CLSTN3: variants seen among roughly 807,000 people sequenced by gnomAD.
CLSTN3 encodes calsyntenin 3, also known as calsyntenin-3.
CLSTN3 carries 36 observed loss-of-function variants against 95.9 expected under a neutral mutation model. The observed-to-expected ratio is 0.38, with a 90% CI of 0.29 to 0.50. The LOEUF is 0.50. Ranked by LOEUF, CLSTN3 falls within the 20% of genes least tolerant of loss-of-function variation. CLSTN3 has a pLI of 0.95. For synonymous variants in CLSTN3, 481 were observed against 504.0 expected, an observed-to-expected ratio of 0.95 and a Z score of 0.61; for missense variants, 1,084 against 1,268.8, an observed-to-expected ratio of 0.85 and a Z score of 2.21.
At chr12:7,131,855 A>T in intron 1 of CLSTN3, 1 of 456,440 alleles carries the variant, frequency 2.2e-6, no homozygotes. Flanking sequence ...AAGCCTTCCC[A>T]TGCCAAAGGC....
rs1472744183 is a variant in CLSTN3, at chr12:7,130,432, G to C, written c.-217G>C. The C allele has an allele frequency of 6.2e-6, 9 of 1,452,272 alleles. No individual in the cohort carries two copies. Among genetic ancestry groups the C allele is most frequent in the African/African-American group, 1.4e-5 (1 of 70,698 alleles). 90.0% of individuals were successfully genotyped at this position (1,452,272 alleles called of 1,614,324 possible). On this transcript the variant is annotated 5_prime_UTR_variant, in exon 1 of 18. Transcript: ENST00000266546. ...GTGAGGACGCTGGGCTGGGGGAAAC[G>C]GGAAGCCGCTGCAAGTCCACCGCCT...
In CLSTN3 at chr12:7,149,252, G is replaced by T; in HGVS notation, c.2074+54G>T. On this transcript the variant is annotated intron_variant, in intron 13 of 17. Coordinates refer to ENST00000266546, the MANE Select transcript of CLSTN3 (RefSeq NM_014718.4). The surrounding 1 kb of genome is among the most constrained non-coding windows in gnomAD (Gnocchi z 4.5). ...TCCAGAGAACCAGCCAGTGTCTGGA[G>T]TCAGAGTGTGGGAGAACTCCTGGGG... 1 of 1,465,026 alleles carries T rather than the reference G, an allele frequency of 6.8e-7. No individual in the cohort carries two copies. Among genetic ancestry groups the T allele is most frequent in the Non-Finnish European group, 9.5e-7 (1 of 1,055,578 alleles). The allele number at this position is 1,465,026 out of a possible 1,614,324, so 90.8% of individuals were successfully genotyped here.
intron 16 of CLSTN3, chr12:7,151,282 G>A: frequency 2.0e-6 from 1 of 492,028 alleles, no homozygotes; most frequent in East Asian, 3.5e-5. Flanking sequence ...TTGTGTCATT[G>A]TAGGGATGCT....
chr12:7,149,312 T>C lies in CLSTN3; in HGVS notation c.2074+114T>C. 3 of 1,027,588 alleles carry C rather than the reference T, an allele frequency of 2.9e-6. No individual in the cohort carries two copies. The highest frequency in any genetic ancestry group is 4.4e-6 in the Non-Finnish European group (3 of 689,514). 63.7% of individuals were successfully genotyped at this position (1,027,588 alleles called of 1,614,324 possible). The stretch of plus-strand genomic sequence containing the variant: ...GAAAGCGACTCCATCCTGTGTTTGT[T>C]TGACTGAACAACTTACCTTTAAGAA... On this transcript the variant is annotated intron_variant, in intron 13 of 17. Transcript: ENST00000266546. This position sits in a 1 kb window ranked among gnomAD's most constrained non-coding sequence, Gnocchi z 4.5.
Position 7,135,441 on chromosome 12 carries a change from G to A in CLSTN3, c.498G>A (p.Val166=), listed in dbSNP as rs1939390612. The A allele has an allele frequency of 6.2e-7, 1 of 1,614,138 alleles. No homozygotes were observed. Among genetic ancestry groups the A allele is most frequent in the East Asian group, 2.2e-5 (1 of 44,882 alleles). The change falls in exon 4 of 18, where the codon GTG becomes GTA. Residue 166 remains valine, a synonymous_variant. Coordinates refer to ENST00000266546, the MANE Select transcript of CLSTN3 (RefSeq NM_014718.4). ...EGKLYDRILR[V]EAIDGDCSPQ... ...AGCTGTACGATCGCATCCTGCGGGT[G>A]GAAGCCATTGACGGTGACTGCTCCC... is the stretch of plus-strand genomic sequence containing the variant.
chr12:7,149,555 C>G lies in CLSTN3; in HGVS notation c.2107C>G (p.His703Asp). 1.2e-6 allele frequency: 2 copies of G among 1,614,006 alleles called. No individual in the cohort carries two copies. The highest frequency in any genetic ancestry group is 2.2e-5 in the South Asian group (2 of 91,052). Residue 703 changes from histidine (H) to aspartate (D), a missense_variant, in exon 14 of 18, where the codon CAC becomes GAC. His to Asp is a moderately conservative substitution (Grantham distance 81). Transcript: ENST00000266546. This position sits in a 1 kb window ranked among gnomAD's most constrained non-coding sequence, Gnocchi z 4.5. ...TDTRMSDEIV[H>D]NLDGCEISLV... Reference sequence around the variant, plus strand: ...CACACGCATGTCGGATGAGATTGTGCACAACCTGGATGGCTGTGAAATTTC... The same window carrying G: ...CACACGCATGTCGGATGAGATTGTGGACAACCTGGATGGCTGTGAAATTTC...
intron 8 of CLSTN3, among the ~76,000 whole-genome samples, chr12:7,139,640 T>C (rs147667714): frequency 0.017 from 1,565 of 91,894 alleles, 24 homozygotes; most frequent in African/African-American, 0.049. Flanking sequence ...TCATCATTAT[T>C]ATTATTATTA....
chr12:7,132,459 T>C (rs1939324291), intron 1 of CLSTN3: 1 of 206,300 alleles, frequency 4.8e-6, no homozygotes, highest in Non-Finnish European at 9.9e-6. Context: ...ACTTCTCTCC[T>C]TTCTCCCCAT....
rs958294405 is a variant in CLSTN3 at position 7,150,411 on chromosome 12, C to G, written c.2246-133C>G. The G allele has an allele frequency of 3.3e-5, 34 of 1,019,890 alleles. No individual in the cohort carries two copies. The South Asian group carries it at 4.6e-4, about 14-fold the overall frequency. 63.2% of individuals were successfully genotyped at this position (1,019,890 alleles called of 1,614,324 possible). A position where few individuals can be genotyped will look rare whatever the true frequency, so the allele number is the denominator to read the frequency against. On this transcript the variant is annotated intron_variant, in intron 14 of 17. Transcript: ENST00000266546. The surrounding 1 kb of genome is among the most constrained non-coding windows in gnomAD (Gnocchi z 4.0). The stretch of plus-strand genomic sequence containing the variant: ...AGCATCCCTCCCTTCGACCTCAGGT[C>G]GCACTTCTGCGGAGATGGGGCTGAC...
rs1939387590 is a variant in CLSTN3, at chr12:7,135,368, C to T, written c.425C>T (p.Ala142Val). Residue 142 changes from alanine to valine, a missense_variant, in exon 4 of 18, where the codon GCC becomes GTC. Transcript: ENST00000266546. ...CGGGTCAACGATGTGAACGAGTTTG[C>T]CCCAGTGTTTGTGGAACGGCTGTAT... ...HVRVNDVNEF[A>V]PVFVERLYRA... 4 of 1,613,982 alleles carry T rather than the reference C, an allele frequency of 2.5e-6. No individual in the cohort carries two copies. The highest frequency in any genetic ancestry group is 1.7e-5 in the Admixed American group (1 of 59,992).
intron 16 of CLSTN3, chr12:7,156,082 C>A: frequency 2.8e-6 from 1 of 358,638 alleles, no homozygotes; most frequent in Non-Finnish European, 5.5e-6. Flanking sequence ...TTTCTAGGGG[C>A]TTGCTTGTGT....
Position 7,137,822 on chromosome 12 carries a change from G to GAGAT in CLSTN3, c.1211-133_1211-132insAGAT. 1 of 569,216 alleles carries GAGAT rather than the reference G, an allele frequency of 1.8e-6. No individual in the cohort carries two copies. 35.3% of individuals were successfully genotyped at this position (569,216 alleles called of 1,614,324 possible). ...AGAGAGAGAGAGAGAGAGAGAGAGA[G>GAGAT]GAAAGAAAAATGCTAGAGAACGAGG... On this transcript the variant is annotated intron_variant, in intron 7 of 17. Transcript: ENST00000266546. The surrounding 1 kb of genome is among the most constrained non-coding windows in gnomAD (Gnocchi z 4.4).
At chr12:7,151,160 G>T in intron 16 of CLSTN3, 97 bp downstream of exon 16, 1 of 1,374,854 alleles carries the variant, frequency 7.3e-7, no homozygotes, top group Non-Finnish European at 9.6e-7. Context: ...AGAGGACAAG[G>T]TAGGTGGAGC....
upstream of CLSTN3, chr12:7,129,110 G>C (rs1939231003): frequency 3.3e-6 from 1 of 304,800 alleles, no homozygotes; most frequent in Non-Finnish European, 6.5e-6. This position sits in a 1 kb window ranked among gnomAD's most constrained non-coding sequence, Gnocchi z 5.5. Context: ...GCAGGATCTG[G>C]GGCTGTCAGT....
chr12:7,146,182 A>T (rs779174210), intron 12 of CLSTN3, among the ~76,000 whole-genome samples: 1 of 152,072 alleles, frequency 6.6e-6, no homozygotes, highest in Non-Finnish European at 1.5e-5. Flanking sequence ...CGTGGCTCAC[A>T]CCTGTAATCC....
rs781468819 is a variant in CLSTN3, at chr12:7,142,112, G to A, written c.1513G>A (p.Gly505Arg). Reference sequence around the variant, plus strand: ...GGAGAAGAACAAAGAGAAGGAAAAGGGAGACAACAGTACAGACACCACCCA... The same window carrying A: ...GGAGAAGAACAAAGAGAAGGAAAAGAGAGACAACAGTACAGACACCACCCA... ...TEEKNKEKEK[G>R]DNSTDTTQGD... Residue 505 changes from glycine (G) to arginine (R), a missense_variant, in exon 10 of 18, where the codon GGA becomes AGA. Gly to Arg is a moderately radical substitution (Grantham distance 125). Transcript: ENST00000266546. 5.6e-6 allele frequency: 9 copies of A among 1,608,548 alleles called. No individual in the cohort carries two copies. The Admixed American group carries it at 1.3e-4, about 24-fold the overall frequency.
In CLSTN3 at chr12:7,133,446, G is replaced by C; in HGVS notation, c.188-127G>C. 3 of 942,794 alleles carry C rather than the reference G, an allele frequency of 3.2e-6. No homozygotes were observed. Among genetic ancestry groups the C allele is most frequent in the South Asian group, 3.2e-5 (2 of 62,322 alleles). The allele number at this position is 942,794 out of a possible 1,614,324, so 58.4% of individuals were successfully genotyped here. A position where few individuals can be genotyped will look rare whatever the true frequency, so the allele number is the denominator to read the frequency against. ...TAGAGTTGCGTGTTTGATCATTAAT[G>C]CTTTTGTGCCTACAGGAGAAGGGAC... is the stretch of plus-strand genomic sequence containing the variant. On this transcript the variant is annotated intron_variant, in intron 2 of 17. Transcript: ENST00000266546. The surrounding 1 kb of genome is among the most constrained non-coding windows in gnomAD (Gnocchi z 4.7).
chr12:7,134,811 G>A (rs1416605210), intron 3 of CLSTN3, among the ~76,000 whole-genome samples: 1 of 152,144 alleles, frequency 6.6e-6, no homozygotes, highest in Non-Finnish European at 1.5e-5. Context: ...ATAGCATTTT[G>A]CACAGAAGTC....
chr12:7,152,997 G>T (rs1455957224), intron 16 of CLSTN3, among the ~76,000 whole-genome samples: 1 of 152,164 alleles, frequency 6.6e-6, no homozygotes, highest in Admixed American at 6.5e-5. Context: ...GGCTTCCCAG[G>T]GTTTTCTGAC....
Sources: allele counts gnomAD v4.1 joint callset (sites outside exome capture counted in the v4.1 genomes callset), GRCh38; gene constraint gnomAD v4.1.1; non-coding constraint Gnocchi (gnomAD v3.1); transcripts MANE v1.5; gene names NCBI Gene and HGNC (gene_info 2026-07-23, HGNC 2026-07-21).